Variants in DIP2B observed in about 807,000 individuals in gnomAD.
The protein encoded by DIP2B is disco-interacting protein 2 homolog B.
A neutral mutation model predicts 198.0 loss-of-function variants in DIP2B; 76 were observed. The observed-to-expected ratio is 0.38, with a 90% CI of 0.32 to 0.46. DIP2B has a LOEUF of 0.46. Ranked by LOEUF, DIP2B falls within the 20% of genes least tolerant of loss-of-function variation. The pLI is 0.99. For missense variants in DIP2B, 1,559 were observed against 1,978.4 expected (o/e 0.79, Z 4.02); for synonymous variants, 701 against 739.1 (o/e 0.95, Z 0.84).
At chr12:50,553,318 C>A (rs1958442933) in intron 1 of DIP2B, among the ~76,000 whole-genome samples, 1 of 152,164 alleles carries the variant, frequency 6.6e-6, no homozygotes, top group Non-Finnish European at 1.5e-5. Context: ...ATTTGAATAT[C>A]TCTCCCAGTA....
At chr12:50,721,163 A>G in intron 25 of DIP2B, 110 bp from the exon 26 acceptor site, 1 of 1,452,642 alleles carries the variant, frequency 6.9e-7, no homozygotes, top group Non-Finnish European at 9.2e-7. Flanking sequence ...CTTGCTAAGG[A>G]TAATCTACAA....
intron 2 of DIP2B, among the ~76,000 whole-genome samples, chr12:50,638,412 G>T: frequency 6.6e-6 from 1 of 152,126 alleles, no homozygotes; most frequent in Non-Finnish European, 1.5e-5. Context: ...TTTACATACA[G>T]TTATAATTAT....
At chr12:50,563,879 T>C (rs962177360) in intron 1 of DIP2B, among the ~76,000 whole-genome samples, 9 of 140,656 alleles carry the variant, frequency 6.4e-5, no homozygotes, top group Non-Finnish European at 1.1e-4. Context: ...GGATATTTGC[T>C]GGATTTATTT....
intron 20 of DIP2B, among the ~76,000 whole-genome samples, chr12:50,704,913 G>T (rs1939486826): frequency 6.6e-6 from 1 of 151,952 alleles, no homozygotes; most frequent in African/African-American, 2.4e-5. Flanking sequence ...ACGCCACTAT[G>T]CTCCAGCCTG....
At chr12:50,650,175 A>C (rs910852315) in intron 3 of DIP2B, among the ~76,000 whole-genome samples, 2 of 152,084 alleles carry the variant, frequency 1.3e-5, no homozygotes, top group Middle Eastern at 3.2e-3. Context: ...ATGCCATTGC[A>C]CTTCAGCCTG....
chr12:50,559,390 T>C (rs1958498815), intron 1 of DIP2B, among the ~76,000 whole-genome samples: 1 of 151,688 alleles, frequency 6.6e-6, no homozygotes, highest in Admixed American at 6.6e-5. Context: ...ATATTTTCTT[T>C]GGTATTATAC....
chr12:50,640,657 A>G lies in DIP2B; in HGVS notation c.173-67A>G. The G allele has an allele frequency of 3.8e-6, 6 of 1,569,250 alleles. No homozygotes were observed. The South Asian group carries it at 5.7e-5, about 15-fold the overall frequency. On this transcript the variant is annotated intron_variant, in intron 2 of 37. Transcript: ENST00000301180. ...AGCTCAGAGTATTGTGAGAATGCTT[A>G]AAGTGCTTTAGAAAATGTTAGCTAT...
Position 50,651,057 on chromosome 12 carries a change from T to C in DIP2B, c.302-9137T>C, listed in dbSNP as rs946306318. Among the ~76,000 whole-genome samples the C allele has an allele frequency of 5.9e-5, 9 of 152,164 alleles. No individual in the cohort carries two copies. In the East Asian group the frequency reaches 1.7e-3, roughly 29 times the overall value. On this transcript the variant is annotated intron_variant, in intron 3 of 37. Coordinates refer to ENST00000301180, the MANE Select transcript of DIP2B (RefSeq NM_173602.3). ...TAGTGGCTGTGAAGTAGTACCTCAT[T>C]GTGGTTTTGATTTTCATTTCCTTGA...
chr12:50,698,501 A>G (rs1405058789), intron 18 of DIP2B, 34 bp downstream of exon 18: 1 of 1,594,598 alleles, frequency 6.3e-7, no homozygotes, highest in African/African-American at 1.3e-5. Context: ...GGTTTTTCAT[A>G]AAGATTTGTC....
intron 1 of DIP2B, among the ~76,000 whole-genome samples, chr12:50,603,175 AAT>A (rs1491344959): frequency 3.3e-5 from 5 of 151,706 alleles, no homozygotes; most frequent in Admixed American, 1.3e-4. Flanking sequence ...AAAAAAAAAA[AAT>A]AATAATATTT....
chr12:50,691,738 C>G (rs1259917387), intron 13 of DIP2B, among the ~76,000 whole-genome samples: 1 of 149,638 alleles, frequency 6.7e-6, no homozygotes, highest in African/African-American at 2.4e-5. Flanking sequence ...TGGAAGCAAT[C>G]AAAATGCCCT....
intron 8 of DIP2B, chr12:50,679,441 A>T (rs1209520103): frequency 1.3e-5 from 2 of 153,196 alleles, no homozygotes; most frequent in Non-Finnish European, 2.9e-5. Context: ...GTGTCCATAG[A>T]CCTAGATGGA....
chr12:50,588,141 TTTTTTCTTTTTC>T (rs919917648), intron 1 of DIP2B, among the ~76,000 whole-genome samples: 6 of 151,806 alleles, frequency 4.0e-5, no homozygotes, highest in Admixed American at 1.3e-4. Context: ...CTTTTCTTTT[TTTTTTCTTTTTC>T]TTTTTCTTTT....
chr12:50,617,317 G>A (rs916782441), intron 1 of DIP2B, among the ~76,000 whole-genome samples: 18 of 151,800 alleles, frequency 1.2e-4, no homozygotes, highest in African/African-American at 4.1e-4. Flanking sequence ...TACTACACCT[G>A]GCTAATTTTT....
At chr12:50,677,447 T>C (rs1938965964) in intron 7 of DIP2B, among the ~76,000 whole-genome samples, 2 of 152,096 alleles carry the variant, frequency 1.3e-5, no homozygotes, top group South Asian at 4.2e-4. Context: ...AAACCCCGTC[T>C]CTACTAAAAA....
At position 50,586,203 on chromosome 12, in the gene DIP2B, T is replaced by TA. The variant is rs558421441; in HGVS notation, c.101-39765dup. ...GCTATTCCTGGTTTTACCAAAATGG[T>TA]AAAAAAAATTACAAAGGAGGTGAGC... On this transcript the variant is annotated intron_variant, in intron 1 of 37. Transcript: ENST00000301180. 1.7e-4 allele frequency among the ~76,000 whole-genome samples: 26 copies of TA among 152,072 alleles called. 1 individual carries two copies. In the South Asian group the frequency reaches 4.6e-3, roughly 27 times the overall value.
chr12:50,612,839 G>C, intron 1 of DIP2B, among the ~76,000 whole-genome samples: 1 of 152,126 alleles, frequency 6.6e-6, no homozygotes, highest in Middle Eastern at 3.2e-3. Flanking sequence ...ATAAATACTT[G>C]CTAGCCTGGA....
At chr12:50,634,706 G>A (rs1157453167) in intron 2 of DIP2B, among the ~76,000 whole-genome samples, 1 of 152,060 alleles carries the variant, frequency 6.6e-6, no homozygotes, top group Non-Finnish European at 1.5e-5. Flanking sequence ...ATAGATTGTG[G>A]CCTGTTTGTG....
intron 28 of DIP2B, 93 bp downstream of exon 28, chr12:50,724,979 C>A: frequency 7.8e-7 from 1 of 1,282,168 alleles, no homozygotes. Context: ...TTTACCCTGC[C>A]TTTATGTCTT....
Sources: gnomAD v4.1 joint callset for allele counts (sites outside exome capture counted in the v4.1 genomes callset) on GRCh38, gnomAD v4.1.1 for gene constraint, MANE v1.5 for transcripts, NCBI Gene and HGNC (gene_info 2026-07-23, HGNC 2026-07-21) for gene names.